CIMAP3: variants seen among roughly 807,000 people sequenced by gnomAD.
CIMAP3 encodes ciliary microtubule associated protein 3.
the CIMAP3 span, among the ~76,000 whole-genome samples, chr1:111,335,734 G>A: frequency 6.6e-6 from 1 of 152,354 alleles, no homozygotes; most frequent in East Asian, 1.9e-4. Flanking sequence ...AGCTCAAGGA[G>A]GCCTGCCTGC....
At chr1:111,348,678 A>G in the CIMAP3 span, 1 of 1,530,702 alleles carries the variant, frequency 6.5e-7, no homozygotes. Flanking sequence ...GCACTTCAAC[A>G]AAAAAAGCAA....
At chr1:111,333,075 G>A in the CIMAP3 span, among the ~76,000 whole-genome samples, 2 of 152,230 alleles carry the variant, frequency 1.3e-5, no homozygotes, top group Non-Finnish European at 2.9e-5. Context: ...CCACTCCACT[G>A]GCCTGGGAGC....
the CIMAP3 span, among the ~76,000 whole-genome samples, chr1:111,345,915 C>G: frequency 2.0e-5 from 3 of 152,060 alleles, no homozygotes; most frequent in Non-Finnish European, 4.4e-5. Context: ...TGTTTTAATC[C>G]CGTCATCTTG....
chr1:111,326,883 T>C, the CIMAP3 span, among the ~76,000 whole-genome samples: 1 of 152,194 alleles, frequency 6.6e-6, no homozygotes, highest in Non-Finnish European at 1.5e-5. Context: ...GCCATTTCTT[T>C]GTCTTCTTTT....
At chr1:111,347,580 C>T in the CIMAP3 span, 3 of 758,838 alleles carry the variant, frequency 4.0e-6, no homozygotes, top group East Asian at 2.5e-5. Flanking sequence ...CACTCCATTT[C>T]GATGGCCCTG....
the CIMAP3 span, among the ~76,000 whole-genome samples, chr1:111,344,278 T>C: frequency 1.3e-5 from 2 of 152,218 alleles, no homozygotes; most frequent in Non-Finnish European, 2.9e-5. Flanking sequence ...CTGGTCTATT[T>C]CTTGTTTACC....
At chr1:111,326,482 CTT>C in the CIMAP3 span, among the ~76,000 whole-genome samples, 8 of 152,082 alleles carry the variant, frequency 5.3e-5, no homozygotes, top group African/African-American at 1.9e-4. Context: ...TGATTTCACT[CTT>C]TTTTTATAAC....
chr1:111,348,811 T>C, the CIMAP3 span: 1 of 699,924 alleles, frequency 1.4e-6, no homozygotes, highest in Non-Finnish European at 2.2e-6. Flanking sequence ...TCTGGCATTG[T>C]AGAATGTAGA....
chr1:111,339,804 C>T, the CIMAP3 span, among the ~76,000 whole-genome samples: 5 of 151,748 alleles, frequency 3.3e-5, no homozygotes, highest in Non-Finnish European at 5.9e-5. Context: ...AGATTCAATG[C>T]CATCCCCATC....
At chr1:111,337,153 A>AT in the CIMAP3 span, among the ~76,000 whole-genome samples, 1 of 152,104 alleles carries the variant, frequency 6.6e-6, no homozygotes, top group African/African-American at 2.4e-5. Flanking sequence ...ATGCTGAGAG[A>AT]TTTTGTCACC....
the CIMAP3 span, chr1:111,352,401 C>T: frequency 1.3e-5 from 2 of 152,612 alleles, no homozygotes; most frequent in East Asian, 1.9e-4. Context: ...CATGGCCACC[C>T]CCTGATGAGT....
At chr1:111,351,515 T>C in the CIMAP3 span, 2 of 433,244 alleles carry the variant, frequency 4.6e-6, no homozygotes, top group Admixed American at 3.9e-5. Context: ...CTCCATCTAC[T>C]GACTTGTGGT....
chr1:111,338,397 A>G, the CIMAP3 span, among the ~76,000 whole-genome samples: 2 of 151,838 alleles, frequency 1.3e-5, no homozygotes. Flanking sequence ...CAAAAAATCA[A>G]TGAATCCAGG....
the CIMAP3 span, among the ~76,000 whole-genome samples, chr1:111,345,688 C>CA: frequency 4.6e-5 from 7 of 152,138 alleles, no homozygotes; most frequent in Admixed American, 3.9e-4. Flanking sequence ...TGTAAAGGGT[C>CA]AAAGTATGGA....
the CIMAP3 span, among the ~76,000 whole-genome samples, chr1:111,337,380 C>G: frequency 2.0e-5 from 3 of 152,014 alleles, no homozygotes; most frequent in Admixed American, 6.6e-5. Context: ...ACTAAATGCT[C>G]CAATTAAAAG....
At chr1:111,328,484 T>C in the CIMAP3 span, among the ~76,000 whole-genome samples, 1 of 152,342 alleles carries the variant, frequency 6.6e-6, no homozygotes, top group South Asian at 2.1e-4. Context: ...TGGGAGTCTA[T>C]GTCTTTTTGC....
At chr1:111,346,633 G>C in the CIMAP3 span, 2 of 1,614,212 alleles carry the variant, frequency 1.2e-6, no homozygotes. Context: ...GTACACAAGT[G>C]CTAGCCCTAG....
At chr1:111,338,750 T>A in the CIMAP3 span, among the ~76,000 whole-genome samples, 4 of 152,076 alleles carry the variant, frequency 2.6e-5, no homozygotes, top group East Asian at 7.7e-4. Context: ...ACCAGATGGA[T>A]TCACAGCCGA....
chr1:111,338,407 G>T, the CIMAP3 span, among the ~76,000 whole-genome samples: 16 of 151,720 alleles, frequency 1.1e-4, no homozygotes, highest in African/African-American at 3.6e-4. Flanking sequence ...ATGAATCCAG[G>T]AGCTGGTTTT....
Sources: allele counts gnomAD v4.1 joint callset (sites outside exome capture counted in the v4.1 genomes callset), GRCh38; gene constraint gnomAD v4.1.1; transcripts MANE v1.5; gene names NCBI Gene and HGNC (gene_info 2026-07-23, HGNC 2026-07-21).